ZPLD1: variants seen among roughly 807,000 people sequenced by gnomAD.
The protein encoded by ZPLD1 is zona pellucida-like domain-containing protein 1.
A neutral mutation model predicts 47.2 loss-of-function variants in ZPLD1; 34 were observed. That is an observed-to-expected ratio of 0.72 (90% CI 0.55 to 0.96). ZPLD1 has a LOEUF of 0.96. ZPLD1 is among the 40% of genes least tolerant of loss of function. The pLI is 0.00. For missense variants in ZPLD1, 512 were observed against 505.8 expected, an observed-to-expected ratio of 1.01 and a Z score of -0.12; for synonymous variants, 176 against 186.2, an observed-to-expected ratio of 0.95 and a Z score of 0.45.
chr3:102,473,933 C>G (rs1707721412), intron 10 of ZPLD1, among the ~76,000 whole-genome samples: 1 of 152,168 alleles, frequency 6.6e-6, no homozygotes, highest in South Asian at 2.1e-4. Context: ...GATTTGCTCT[C>G]TTCAAAGCTC....
chr3:102,392,549 T>TTCCTTCC (rs76759149), intron 7 of ZPLD1, among the ~76,000 whole-genome samples: 19,211 of 147,330 alleles, frequency 0.13, 1,346 homozygotes, highest in Middle Eastern at 0.17. Context: ...CCTCCCTCCC[T>TTCCTTCC]TCCTTCCTCC....
chr3:102,427,833 G>T (rs1374833322), intron 8 of ZPLD1, among the ~76,000 whole-genome samples: 1 of 152,150 alleles, frequency 6.6e-6, no homozygotes, highest in African/African-American at 2.4e-5. Context: ...TGAGGCTCCA[G>T]AAGTTGTTGG....
chr3:102,450,565 G>A (rs1707322891), intron 3 of ZPLD1, among the ~76,000 whole-genome samples: 1 of 152,156 alleles, frequency 6.6e-6, no homozygotes, highest in African/African-American at 2.4e-5. Context: ...ATTATGGAGA[G>A]ACTTGAGCAC....
chr3:102,402,480 T>C (rs568024323), intron 7 of ZPLD1, among the ~76,000 whole-genome samples: 12 of 152,100 alleles, frequency 7.9e-5, no homozygotes, highest in African/African-American at 2.9e-4. Context: ...TAGTACAGAG[T>C]ATTTTTAATC....
intron 7 of ZPLD1, among the ~76,000 whole-genome samples, chr3:102,407,818 ATGATTATT>A (rs1706707983): frequency 6.6e-6 from 1 of 151,740 alleles, no homozygotes; most frequent in African/African-American, 2.4e-5. Context: ...GAGCAGAGTT[ATGATTATT>A]TATTTATAGC....
chr3:102,448,453 CCTT>C (rs141980873), intron 3 of ZPLD1, among the ~76,000 whole-genome samples: 4,638 of 152,242 alleles, frequency 0.03, 188 homozygotes, highest in African/African-American at 0.095. Context: ...CTTGAGGTAT[CCTT>C]CTTTTTTCCT....
intron 1 of ZPLD1, among the ~76,000 whole-genome samples, chr3:102,436,488 T>G (rs1412073031): frequency 1.3e-5 from 2 of 152,194 alleles, no homozygotes; most frequent in Non-Finnish European, 2.9e-5. Context: ...AAACAGCTGA[T>G]GATAAATGGC....
intron 3 of ZPLD1, among the ~76,000 whole-genome samples, chr3:102,439,575 T>A (rs1576148085): frequency 1.3e-5 from 2 of 152,348 alleles, no homozygotes; most frequent in South Asian, 2.1e-4. Context: ...GAGCTTTTTT[T>A]ACATTTATTA....
chr3:102,408,270 T>C (rs1035500401), intron 7 of ZPLD1, among the ~76,000 whole-genome samples: 5 of 151,614 alleles, frequency 3.3e-5, no homozygotes, highest in Non-Finnish European at 4.4e-5. Context: ...AGGGAAAAAA[T>C]GAAGGGCAAA....
At chr3:102,411,789 C>T (rs1706750115) in intron 7 of ZPLD1, among the ~76,000 whole-genome samples, 1 of 151,768 alleles carries the variant, frequency 6.6e-6, no homozygotes, top group Non-Finnish European at 1.5e-5. Flanking sequence ...AGTTTAGCAG[C>T]AGCATGTATA....
chr3:102,477,319 A>C, intron 11 of ZPLD1, 124 bp from the exon 12 acceptor site: 3 of 1,086,634 alleles, frequency 2.8e-6, no homozygotes, highest in Middle Eastern at 2.2e-4. Context: ...ATTGTAACAC[A>C]ATTCAGTGCC....
chr3:102,388,239 A>G (rs1706455235), intron 6 of ZPLD1, among the ~76,000 whole-genome samples: 1 of 151,886 alleles, frequency 6.6e-6, no homozygotes, highest in Non-Finnish European at 1.5e-5. Flanking sequence ...CATCCGAACT[A>G]CTGTAGGTTA....
chr3:102,441,725 C>T (rs1196852992), intron 3 of ZPLD1, among the ~76,000 whole-genome samples: 1 of 151,928 alleles, frequency 6.6e-6, no homozygotes. Flanking sequence ...TATATATAGC[C>T]AAGCAGAGAC....
chr3:102,422,279 G>A (rs1483255000), intron 8 of ZPLD1, among the ~76,000 whole-genome samples: 3 of 152,028 alleles, frequency 2.0e-5, no homozygotes, highest in African/African-American at 7.2e-5. Flanking sequence ...TCCAAAGGGT[G>A]ATTTTGCCCC....
At chr3:102,401,578 C>G (rs1706620663) in intron 7 of ZPLD1, among the ~76,000 whole-genome samples, 1 of 152,094 alleles carries the variant, frequency 6.6e-6, no homozygotes, top group African/African-American at 2.4e-5. Flanking sequence ...AGAGCATTCA[C>G]TGTCTAATGT....
rs1311027025 is a variant in ZPLD1 at position 102,478,681 on chromosome 3, A to C, written c.*1063A>C. 6.6e-6 allele frequency: 1 copy of C among 152,182 alleles called. No individual in the cohort carries two copies. The highest frequency in any genetic ancestry group is 1.5e-5 in the Non-Finnish European group (1 of 68,046). 9.4% of individuals were successfully genotyped at this position (152,182 alleles called of 1,614,324 possible). A position where few individuals can be genotyped will look rare whatever the true frequency, so the allele number is the denominator to read the frequency against. Reference sequence around the variant, plus strand: ...CTTGTAGGTGTCATAATTGCCATGAATAAACAATATTTTCCTCTAACAGTA... The same window carrying C: ...CTTGTAGGTGTCATAATTGCCATGACTAAACAATATTTTCCTCTAACAGTA... On this transcript the variant is annotated 3_prime_UTR_variant, in exon 12 of 12. Coordinates refer to ENST00000466937, the MANE Select transcript of ZPLD1 (RefSeq NM_001329788.2).
At chr3:102,449,270 G>C (rs186797926) in intron 3 of ZPLD1, among the ~76,000 whole-genome samples, 1 of 152,280 alleles carries the variant, frequency 6.6e-6, no homozygotes, top group African/African-American at 2.4e-5. Flanking sequence ...CAGCTGGTCT[G>C]GGCAAAGCCG....
intron 7 of ZPLD1, among the ~76,000 whole-genome samples, chr3:102,463,883 CAAAAAA>C (rs1211126564): frequency 2.7e-5 from 3 of 110,210 alleles, no homozygotes; most frequent in African/African-American, 1.0e-4. Context: ...ATTAAAAATA[CAAAAAA>C]AAAAAAAAAA....
At chr3:102,419,949 G>C (rs891062354) in intron 8 of ZPLD1, among the ~76,000 whole-genome samples, 1 of 150,958 alleles carries the variant, frequency 6.6e-6, no homozygotes, top group African/African-American at 2.4e-5. Context: ...GTAGGTCAAG[G>C]CTATTAATTA....
Sources: gnomAD v4.1 joint callset for allele counts (sites outside exome capture counted in the v4.1 genomes callset) on GRCh38, gnomAD v4.1.1 for gene constraint, MANE v1.5 for transcripts, NCBI Gene and HGNC (gene_info 2026-07-23, HGNC 2026-07-21) for gene names.